ESR1: variants seen among roughly 807,000 people sequenced by gnomAD.
The protein encoded by ESR1 is estrogen receptor 1, also known as estrogen receptor.
In ESR1, 12 loss-of-function variants were observed where a neutral mutation model predicts 52.7. The observed-to-expected ratio is 0.23, with a 90% CI of 0.15 to 0.37. The LOEUF (loss-of-function observed/expected upper bound fraction) is 0.37, where lower values mean the gene tolerates loss of function less well. ESR1 is among the 10% of genes least tolerant of loss of function. The pLI is 1.00. For missense variants in ESR1, 584 were observed against 779.7 expected (o/e 0.75, Z 2.99); for synonymous variants, 305 against 316.8 (o/e 0.96, Z 0.39).
intron 1 of ESR1, among the ~76,000 whole-genome samples, chr6:151,684,651 A>G (rs969028589): frequency 1.3e-5 from 2 of 152,190 alleles, no homozygotes; most frequent in African/African-American, 4.8e-5. Context: ...CCCAGGAATA[A>G]AAATAGGATG....
At chr6:151,930,613 A>T (rs2033449705) in intron 3 of ESR1, among the ~76,000 whole-genome samples, 1 of 152,208 alleles carries the variant, frequency 6.6e-6, no homozygotes, top group Admixed American at 6.5e-5. Flanking sequence ...ACCTTAATTC[A>T]TGCATTCTCT....
chr6:152,028,037 G>T (rs1033212397), intron 5 of ESR1, among the ~76,000 whole-genome samples: 2 of 151,996 alleles, frequency 1.3e-5, no homozygotes, highest in African/African-American at 4.8e-5. Flanking sequence ...CCAGCTACTC[G>T]GGAGGCTGAG....
intron 3 of ESR1, among the ~76,000 whole-genome samples, chr6:151,910,598 A>C (rs147671497): frequency 1.9e-4 from 29 of 152,284 alleles, no homozygotes; most frequent in African/African-American, 5.8e-4. Context: ...ATGATGATGA[A>C]AATTTTATCA....
chr6:151,890,911 T>C (rs1794611908), intron 3 of ESR1, among the ~76,000 whole-genome samples: 1 of 152,216 alleles, frequency 6.6e-6, no homozygotes, highest in Non-Finnish European at 1.5e-5. Flanking sequence ...AGACATCATA[T>C]AACAGGGTCT....
At chr6:152,014,924 G>T (rs139337922) in intron 5 of ESR1, among the ~76,000 whole-genome samples, 1 of 151,970 alleles carries the variant, frequency 6.6e-6, no homozygotes, top group Non-Finnish European at 1.5e-5. Context: ...AAAGTTAGCC[G>T]GGCATGGTGG....
intron 2 of ESR1, among the ~76,000 whole-genome samples, chr6:151,719,447 G>A (rs1400066240): frequency 1.3e-5 from 2 of 152,090 alleles, no homozygotes; most frequent in African/African-American, 4.8e-5. Context: ...TCCAGGGAAG[G>A]AATTTCCAGG....
intron 5 of ESR1, among the ~76,000 whole-genome samples, chr6:152,044,450 A>C (rs994030553): frequency 3.3e-5 from 5 of 152,212 alleles, no homozygotes; most frequent in African/African-American, 1.2e-4. Flanking sequence ...TATAAAAGGC[A>C]GTTTATTAAG....
At chr6:152,011,581 T>C in intron 4 of ESR1, 75 bp from the exon 5 acceptor site, 1 of 1,557,876 alleles carries the variant, frequency 6.4e-7, no homozygotes, top group Admixed American at 1.7e-5. Flanking sequence ...TCAGTTCAAA[T>C]CCCTGTTGCA....
intron 4 of ESR1, among the ~76,000 whole-genome samples, chr6:151,974,283 G>A (rs1410895443): frequency 2.0e-5 from 3 of 152,148 alleles, no homozygotes; most frequent in Admixed American, 6.5e-5. Context: ...TATTTGTTAT[G>A]TGTCAGGCAC....
chr6:151,825,733 G>A (rs1255204806), intron 1 of ESR1, among the ~76,000 whole-genome samples: 1 of 151,966 alleles, frequency 6.6e-6, no homozygotes, highest in Non-Finnish European at 1.5e-5. Context: ...CCAAAATGGA[G>A]AAACCTCGTC....
intron 2 of ESR1, among the ~76,000 whole-genome samples, chr6:151,770,164 G>C (rs1287409514): frequency 6.6e-6 from 1 of 152,204 alleles, no homozygotes; most frequent in Admixed American, 6.5e-5. Context: ...CAACTCAGAT[G>C]CTTTGTGAAT....
intron 5 of ESR1, among the ~76,000 whole-genome samples, chr6:152,056,979 C>T (rs568762028): frequency 6.6e-6 from 1 of 152,280 alleles, no homozygotes; most frequent in Non-Finnish European, 1.5e-5. Flanking sequence ...GGAATCACCC[C>T]ATTTCTGATG....
Position 152,008,389 on chromosome 6 carries a change from G to T in ESR1, c.1097-3267G>T, listed in dbSNP as rs151232063. On this transcript the variant is annotated intron_variant, in intron 4 of 7. Coordinates refer to ENST00000206249, the MANE Select transcript of ESR1 (RefSeq NM_000125.4). Reference sequence around the variant, plus strand: ...TTTCAACGGAAGGATCGAGCAATCCGGCTGGCCTCCGACTGAAAACTATTA... The same window carrying T: ...TTTCAACGGAAGGATCGAGCAATCCTGCTGGCCTCCGACTGAAAACTATTA... Among the ~76,000 whole-genome samples, 35 of 152,128 alleles carry T rather than the reference G, an allele frequency of 2.3e-4. No homozygotes were observed. In the East Asian group the frequency reaches 5.0e-3, roughly 22 times the overall value.
chr6:151,701,342 A>G (rs1440144890), intron 1 of ESR1, among the ~76,000 whole-genome samples: 1 of 151,852 alleles, frequency 6.6e-6, no homozygotes, highest in South Asian at 2.1e-4. Context: ...CCCAGCCAAC[A>G]TGGTGAAACC....
intron 1 of ESR1, among the ~76,000 whole-genome samples, chr6:151,661,630 G>A (rs920360761): frequency 6.6e-6 from 1 of 152,134 alleles, no homozygotes; most frequent in Admixed American, 6.5e-5. Context: ...GGCCTGTTTG[G>A]GCACTGACAT....
chr6:152,007,145 AC>A (rs2128760609), intron 4 of ESR1, among the ~76,000 whole-genome samples: 1 of 152,152 alleles, frequency 6.6e-6, no homozygotes, highest in South Asian at 2.1e-4. Flanking sequence ...GAGCCTTGCC[AC>A]ACTCAGTAAA....
At chr6:151,689,821 A>G (rs1490403328), upstream of ESR1, among the ~76,000 whole-genome samples, 1 of 152,178 alleles carries the variant, frequency 6.6e-6, no homozygotes, top group African/African-American at 2.4e-5. Context: ...CATAAACCAC[A>G]CCAGACATGA....
At chr6:152,006,747 A>G (rs150917907) in intron 4 of ESR1, among the ~76,000 whole-genome samples, 278 of 152,220 alleles carry the variant, frequency 1.8e-3, no homozygotes, top group African/African-American at 6.0e-3. Context: ...AAAAAATGCA[A>G]CAGGCAATTT....
downstream of ESR1, among the ~76,000 whole-genome samples, chr6:152,106,673 C>T (rs939556259): frequency 6.6e-6 from 1 of 152,172 alleles, no homozygotes; most frequent in African/African-American, 2.4e-5. Context: ...ACTGTAGCCT[C>T]CATGTTCCAG....
Sources: gnomAD v4.1 joint callset for allele counts (sites outside exome capture counted in the v4.1 genomes callset) on GRCh38, gnomAD v4.1.1 for gene constraint, MANE v1.5 for transcripts, NCBI Gene and HGNC (gene_info 2026-07-23, HGNC 2026-07-21) for gene names.